Variants in DNAH14 observed in about 807,000 individuals in gnomAD.
The protein encoded by DNAH14 is axonemal beta dynein heavy chain 14.
DNAH14 carries 478 observed loss-of-function variants against 520.9 expected under a neutral mutation model. The ratio of observed to expected loss-of-function variants is 0.92; its 90% confidence interval spans 0.85 to 0.99. The LOEUF (loss-of-function observed/expected upper bound fraction) is 0.99, where lower values mean the gene tolerates loss of function less well. Among genes scored for constraint, DNAH14 ranks in the 50% least tolerant of loss-of-function variants. The probability of loss-of-function intolerance (pLI) is 0.00; values close to 1 mark genes in which losing one functional copy is unlikely to be tolerated. For missense variants in DNAH14, 4,831 were observed against 5,234.5 expected (o/e 0.92, Z 2.38); for synonymous variants, 1,581 against 1,757.2 (o/e 0.90, Z 2.51).
chr1:225,387,351 G>A (rs910881661), intron 81 of DNAH14, among the ~76,000 whole-genome samples: 3 of 151,980 alleles, frequency 2.0e-5, no homozygotes, highest in Non-Finnish European at 2.9e-5. Flanking sequence ...AAACCTGCAC[G>A]TTGTGCACAT....
At chr1:224,988,268 A>G (rs2062791821) in intron 8 of DNAH14, among the ~76,000 whole-genome samples, 1 of 152,142 alleles carries the variant, frequency 6.6e-6, no homozygotes, top group Admixed American at 6.5e-5. Flanking sequence ...TCCGTGGTGT[A>G]TATGTACCAC....
intron 9 of DNAH14, among the ~76,000 whole-genome samples, chr1:225,003,554 GT>G (rs1177756097): frequency 1.3e-5 from 2 of 152,038 alleles, no homozygotes; most frequent in East Asian, 3.8e-4. Flanking sequence ...TCGAAAATCA[GT>G]TGTGTTGACT....
chr1:225,150,187 T>C (rs2080347772), intron 31 of DNAH14, among the ~76,000 whole-genome samples: 1 of 152,212 alleles, frequency 6.6e-6, no homozygotes, highest in Non-Finnish European at 1.5e-5. Flanking sequence ...GTTTATGTAA[T>C]GAATATATTT....
intron 54 of DNAH14, among the ~76,000 whole-genome samples, chr1:225,288,585 T>C (rs1161105211): frequency 6.6e-6 from 1 of 152,148 alleles, no homozygotes; most frequent in Non-Finnish European, 1.5e-5. Flanking sequence ...CAGTTCCCCA[T>C]ACTATCTTGG....
chr1:224,981,083 C>A (rs2062234997), intron 8 of DNAH14, among the ~76,000 whole-genome samples: 1 of 146,622 alleles, frequency 6.8e-6, no homozygotes, highest in Non-Finnish European at 1.5e-5. Flanking sequence ...TGTGGTGAAT[C>A]ACATTTATTG....
intron 15 of DNAH14, among the ~76,000 whole-genome samples, chr1:225,046,192 CCATTT>C (rs2067945899): frequency 6.6e-6 from 1 of 151,476 alleles, no homozygotes; most frequent in Admixed American, 6.6e-5. Flanking sequence ...TTAAATCACC[CCATTT>C]CAACTACCCA....
In DNAH14 at chr1:225,322,821, A is replaced by G; in HGVS notation, c.9493A>G (p.Lys3165Glu). The G allele has an allele frequency of 6.5e-7, 1 of 1,548,114 alleles. No individual in the cohort carries two copies. Among genetic ancestry groups the G allele is most frequent in the Non-Finnish European group, 8.7e-7 (1 of 1,144,000 alleles). The change falls in exon 62 of 86, where the codon AAG (lysine) becomes GAG (glutamate). Residue 3165 changes from lysine (K) to glutamate (E), a missense_variant and splice_region_variant. Lys to Glu is a moderately conservative substitution (Grantham distance 56). Transcript: ENST00000682510. ...CCTTGACAAGGACAGCATACCTGAT[A>G]AGGTAAAAAGTTGATCTCTAATTGA... ...INLDKDSIPDKVFVKLKKIVT... is the reference protein window; with the variant it reads ...INLDKDSIPDEVFVKLKKIVT...
At chr1:224,934,762 C>T (rs1284155787) in intron 1 of DNAH14, among the ~76,000 whole-genome samples, 2 of 151,744 alleles carry the variant, frequency 1.3e-5, no homozygotes, top group Non-Finnish European at 3.0e-5. Flanking sequence ...AAGATAGAAT[C>T]TTAAAAACAC....
intron 64 of DNAH14, among the ~76,000 whole-genome samples, chr1:225,327,226 C>T (rs535392706): frequency 1.8e-4 from 27 of 151,752 alleles, no homozygotes; most frequent in African/African-American, 6.3e-4. Context: ...GGCGCGATCT[C>T]GGCTCACTGC....
chr1:225,359,022 C>A (rs1228860162), intron 74 of DNAH14, among the ~76,000 whole-genome samples: 1 of 152,140 alleles, frequency 6.6e-6, no homozygotes, highest in East Asian at 1.9e-4. Context: ...TACTCAGTCT[C>A]AGGTATTTCT....
At chr1:225,088,759 A>G (rs1430676538) in intron 21 of DNAH14, among the ~76,000 whole-genome samples, 2 of 152,234 alleles carry the variant, frequency 1.3e-5, no homozygotes, top group Non-Finnish European at 2.9e-5. Flanking sequence ...AATAGAAGAG[A>G]TGACATTACT....
intron 56 of DNAH14, 85 bp downstream of exon 56, chr1:225,301,115 A>G: frequency 7.2e-7 from 1 of 1,383,272 alleles, no homozygotes; most frequent in Non-Finnish European, 9.6e-7. Flanking sequence ...TTCAAGTTGG[A>G]TATAATTTCT....
At chr1:224,936,914 A>T (rs2059079454) in intron 1 of DNAH14, among the ~76,000 whole-genome samples, 1 of 152,044 alleles carries the variant, frequency 6.6e-6, no homozygotes, top group African/African-American at 2.4e-5. Flanking sequence ...ATGGTTCAAC[A>T]TACACAAATC....
At chr1:225,278,935 T>C (rs1455211172) in intron 54 of DNAH14, among the ~76,000 whole-genome samples, 2 of 152,184 alleles carry the variant, frequency 1.3e-5, no homozygotes, top group Admixed American at 6.6e-5. Flanking sequence ...AGGTAAAACA[T>C]GGCAAATTCC....
chr1:225,076,949 C>T (rs1197101004), intron 17 of DNAH14, among the ~76,000 whole-genome samples: 2 of 152,100 alleles, frequency 1.3e-5, no homozygotes, highest in African/African-American at 4.8e-5. Flanking sequence ...CCCCCAGCCC[C>T]CAACACCCAA....
At chr1:225,033,431 G>A (rs1277590668) in intron 11 of DNAH14, among the ~76,000 whole-genome samples, 7 of 152,048 alleles carry the variant, frequency 4.6e-5, no homozygotes, top group Non-Finnish European at 7.4e-5. Flanking sequence ...TGTTCCATTG[G>A]TCTATGTGCC....
At chr1:225,137,516 C>T (rs12086473) in intron 27 of DNAH14, among the ~76,000 whole-genome samples, 19,134 of 152,054 alleles carry the variant, frequency 0.13, 3,716 homozygotes, top group African/African-American at 0.42. Context: ...CCACTACACC[C>T]GGCTAATTTT....
At chr1:225,152,212 C>T in intron 32 of DNAH14, 139 bp downstream of exon 32, 3 of 689,800 alleles carry the variant, frequency 4.3e-6, no homozygotes, top group Non-Finnish European at 7.3e-6. Context: ...CCACTCCCAA[C>T]ACCATTTATG....
chr1:225,136,268 A>G (rs983149648), intron 27 of DNAH14, among the ~76,000 whole-genome samples: 1 of 152,092 alleles, frequency 6.6e-6, no homozygotes, highest in Non-Finnish European at 1.5e-5. Context: ...TGTGTACATC[A>G]GTGTGTTTTG....
Sources: allele counts gnomAD v4.1 joint callset (sites outside exome capture counted in the v4.1 genomes callset), GRCh38; gene constraint gnomAD v4.1.1; transcripts MANE v1.5; gene names NCBI Gene and HGNC (gene_info 2026-07-23, HGNC 2026-07-21).